SGMS1: variants seen among roughly 807,000 people sequenced by gnomAD.
SGMS1 encodes the protein sphingomyelin synthase 1, also known as phosphatidylcholine:ceramide cholinephosphotransferase 1.
In SGMS1, 13 loss-of-function variants were observed where a neutral mutation model predicts 46.2. That is an observed-to-expected ratio of 0.28 (90% confidence interval 0.18 to 0.45). The LOEUF is 0.45. SGMS1 is among the 20% of genes least tolerant of loss of function. SGMS1 has a pLI of 1.00. For missense variants in SGMS1, 324 were observed against 519.9 expected, an observed-to-expected ratio of 0.62 and a Z score of 3.66; for synonymous variants, 203 against 187.8, an observed-to-expected ratio of 1.08 and a Z score of -0.66.
intron 2 of SGMS1, among the ~76,000 whole-genome samples, chr10:50,576,443 A>T (rs1408932124): frequency 6.6e-6 from 1 of 152,198 alleles, no homozygotes; most frequent in Non-Finnish European, 1.5e-5. Context: ...CCACTGGAGG[A>T]GCACGCCCCT....
rs1187763756 is a variant in SGMS1 at position 50,345,155 on chromosome 10, T to A, written c.-231-810A>T. 3.3e-5 allele frequency among the ~76,000 whole-genome samples: 5 copies of A among 152,248 alleles called. No homozygotes were observed. The East Asian group carries it at 7.7e-4, about 24-fold the overall frequency. The stretch of plus-strand genomic sequence containing the variant: ...AAAAAAAAATCAGTGAATCCCCTTT[T>A]CCATATGTGCTTAGGTCCCAAATAG... On this transcript the variant is annotated intron_variant, in intron 6 of 10. Transcript: ENST00000361781.
chr10:50,603,303 G>A (rs564214933), intron 1 of SGMS1, among the ~76,000 whole-genome samples: 1 of 152,302 alleles, frequency 6.6e-6, no homozygotes, highest in Admixed American at 6.5e-5. Flanking sequence ...GTGAGAGGCC[G>A]GAGCCCAGGC....
chr10:50,613,539 C>T (rs1333361344), intron 1 of SGMS1, among the ~76,000 whole-genome samples: 4 of 152,188 alleles, frequency 2.6e-5, no homozygotes, highest in Admixed American at 2.0e-4. Flanking sequence ...CCTCTTCAGT[C>T]GGCCCCTGGC....
chr10:50,438,621 C>T (rs1388386019), intron 5 of SGMS1, among the ~76,000 whole-genome samples: 1 of 152,182 alleles, frequency 6.6e-6, no homozygotes, highest in African/African-American at 2.4e-5. Context: ...GATTAAGCTG[C>T]TAAGTTTGTG....
At chr10:50,619,662 A>C (rs559636961) in intron 1 of SGMS1, among the ~76,000 whole-genome samples, 1 of 152,354 alleles carries the variant, frequency 6.6e-6, no homozygotes, top group African/African-American at 2.4e-5. Context: ...GGAGTCTAAA[A>C]GGTAAATCAC....
chr10:50,623,538 G>A (rs1220647766), intron 1 of SGMS1, 169 bp downstream of exon 1: 59 of 976,724 alleles, frequency 6.0e-5, no homozygotes, highest in Non-Finnish European at 7.1e-5. Context: ...CAGCTCTGGA[G>A]GACTGCCCGC....
chr10:50,492,737 A>G (rs1837577234), intron 3 of SGMS1, among the ~76,000 whole-genome samples: 1 of 152,184 alleles, frequency 6.6e-6, no homozygotes, highest in African/African-American at 2.4e-5. Flanking sequence ...GCCCAAACCA[A>G]TCTGATTCAA....
intron 1 of SGMS1, among the ~76,000 whole-genome samples, chr10:50,611,881 C>G (rs1044376067): frequency 6.6e-6 from 1 of 152,184 alleles, no homozygotes; most frequent in African/African-American, 2.4e-5. Flanking sequence ...CACCCCCCAT[C>G]CCCTTTTCCA....
intron 3 of SGMS1, among the ~76,000 whole-genome samples, chr10:50,481,265 T>C (rs148561475): frequency 1.1e-3 from 165 of 152,338 alleles, no homozygotes; most frequent in African/African-American, 3.8e-3. Flanking sequence ...ATCACACACC[T>C]TATACAGGAG....
chr10:50,365,719 C>T (rs140602054), intron 6 of SGMS1, among the ~76,000 whole-genome samples: 11 of 152,116 alleles, frequency 7.2e-5, no homozygotes, highest in East Asian at 3.9e-4. Flanking sequence ...TTGCTGAGGA[C>T]GATTACTTCC....
At chr10:50,464,108 G>A (rs955078969) in intron 4 of SGMS1, among the ~76,000 whole-genome samples, 6 of 152,130 alleles carry the variant, frequency 3.9e-5, no homozygotes, top group Non-Finnish European at 7.3e-5. Context: ...GAGAGCTTTT[G>A]CACAACAATG....
chr10:50,368,500 G>A (rs1033066367), intron 6 of SGMS1, among the ~76,000 whole-genome samples: 2 of 152,152 alleles, frequency 1.3e-5, no homozygotes, highest in Non-Finnish European at 2.9e-5. Context: ...GGGATTACTG[G>A]CACCTGCCAT....
chr10:50,429,782 G>A (rs1357355136), intron 6 of SGMS1, among the ~76,000 whole-genome samples: 1 of 150,602 alleles, frequency 6.6e-6, no homozygotes, highest in Non-Finnish European at 1.5e-5. Flanking sequence ...TTATGTCCTG[G>A]TTAGTTTCTT....
chr10:50,311,189 A>G (rs898313473), intron 9 of SGMS1, 73 bp downstream of exon 9: 1 of 1,540,340 alleles, frequency 6.5e-7, no homozygotes, highest in Admixed American at 1.9e-5. Context: ...CCAGAAAATG[A>G]GCTTTACCAG....
chr10:50,558,528 A>G (rs893496484), intron 2 of SGMS1, among the ~76,000 whole-genome samples: 10 of 152,226 alleles, frequency 6.6e-5, no homozygotes, highest in African/African-American at 2.4e-4. Flanking sequence ...GATTAATGGC[A>G]GGGCTGGATT....
intron 3 of SGMS1, among the ~76,000 whole-genome samples, chr10:50,507,414 C>T (rs1160527868): frequency 1.3e-5 from 2 of 152,210 alleles, no homozygotes; most frequent in African/African-American, 4.8e-5. Context: ...CACCAAGGTC[C>T]TGGGCTCAGG....
chr10:50,570,635 A>G (rs1196550224), intron 2 of SGMS1, among the ~76,000 whole-genome samples: 2 of 152,200 alleles, frequency 1.3e-5, no homozygotes, highest in Non-Finnish European at 2.9e-5. Context: ...ATTCTCTGCT[A>G]TTTAAAAAAA....
intron 6 of SGMS1, among the ~76,000 whole-genome samples, chr10:50,408,214 G>A (rs1200768307): frequency 6.6e-6 from 1 of 152,136 alleles, no homozygotes; most frequent in Non-Finnish European, 1.5e-5. Flanking sequence ...TCTGCTGCTG[G>A]TGGTGTTCTT....
At chr10:50,410,179 G>T (rs796956172) in intron 6 of SGMS1, among the ~76,000 whole-genome samples, 1 of 152,128 alleles carries the variant, frequency 6.6e-6, no homozygotes, top group Non-Finnish European at 1.5e-5. Flanking sequence ...AGCACTCAAT[G>T]ACATTCATTT....
Sources: gnomAD v4.1 joint callset for allele counts (sites outside exome capture counted in the v4.1 genomes callset) on GRCh38, gnomAD v4.1.1 for gene constraint, MANE v1.5 for transcripts, NCBI Gene and HGNC (gene_info 2026-07-23, HGNC 2026-07-21) for gene names.